The following UBXN2A variants were observed in gnomAD, a reference collection of about 807,000 sequenced individuals.
UBXN2A encodes the protein UBX domain protein 2A, also known as UBX domain-containing protein 2A.
Under a neutral mutation model 28.4 loss-of-function variants are expected in UBXN2A, and 28 were observed. That is an observed-to-expected ratio of 0.99 (90% CI 0.73 to 1.35). The LOEUF (loss-of-function observed/expected upper bound fraction) is 1.35. Among genes scored for constraint, UBXN2A ranks in the 40% most tolerant of loss-of-function variants. The pLI, the probability that UBXN2A is intolerant of heterozygous loss-of-function variation, is 0.00. For missense variants in UBXN2A, 253 were observed against 297.9 expected (o/e 0.85, Z 1.11); for synonymous variants, 97 against 103.6 (o/e 0.94, Z 0.39).
At chr2:23,978,512 C>T (rs775595793) in intron 4 of UBXN2A, among the ~76,000 whole-genome samples, 23 of 151,788 alleles carry the variant, frequency 1.5e-4, no homozygotes, top group Non-Finnish European at 2.5e-4. Context: ...GGTGTGGTGG[C>T]GGGCACCTGT....
chr2:23,948,937 T>C (rs1243068247), intron 1 of UBXN2A, among the ~76,000 whole-genome samples: 1 of 149,852 alleles, frequency 6.7e-6, no homozygotes, highest in Non-Finnish European at 1.5e-5. Context: ...GTAAGACTTC[T>C]CTTGTAGCTT....
In UBXN2A at chr2:23,999,862, C is replaced by T; in HGVS notation, c.775C>T (p.His259Tyr). 1.9e-6 allele frequency: 3 copies of T among 1,609,974 alleles called. No individual in the cohort carries two copies. The highest frequency in any genetic ancestry group is 2.5e-6 in the Non-Finnish European group (3 of 1,178,390). Residue 259 changes from histidine to tyrosine, a missense_variant, in exon 7 of 7, where the codon CAC (histidine) becomes TAC (tyrosine). His to Tyr is a moderately conservative substitution (Grantham distance 83). Transcript: ENST00000309033. ...TGCATCTTTTAGAGAACTTTCAGAG[C>T]ACTGATTTTTGATAGACTAAGTGGA... is the stretch of plus-strand genomic sequence containing the variant. ...KTASFRELSEH is the reference protein window; with the variant it reads ...KTASFRELSEY
chr2:23,972,121 TA>T (rs904659926), intron 3 of UBXN2A, among the ~76,000 whole-genome samples: 3 of 151,490 alleles, frequency 2.0e-5, no homozygotes, highest in African/African-American at 4.9e-5. Context: ...TAAGGTAAGG[TA>T]AAAAAATAAC....
At chr2:23,980,570 C>A (rs541111609) in intron 4 of UBXN2A, among the ~76,000 whole-genome samples, 1 of 152,110 alleles carries the variant, frequency 6.6e-6, no homozygotes, top group Non-Finnish European at 1.5e-5. Flanking sequence ...ATTGTCCATT[C>A]GTACATCTTC....
rs147132248 is a variant in UBXN2A at position 23,996,003 on chromosome 2, A to G, written c.585-3669A>G. 4.0e-3 allele frequency among the ~76,000 whole-genome samples: 599 copies of G among 150,378 alleles called. 3 individuals carry two copies. Among genetic ancestry groups the G allele is most frequent in the African/African-American group, 0.014 (574 of 40,874 alleles). On this transcript the variant is annotated intron_variant, in intron 6 of 6. Coordinates refer to ENST00000309033, the MANE Select transcript of UBXN2A (RefSeq NM_181713.4). ...CTGCACCACCTCCCAGGTTCGAGCA[A>G]TTCTCCTGCCTCAGCCTTCCAAGTA... is the stretch of plus-strand genomic sequence containing the variant.
chr2:23,991,822 A>G (rs1214978021), intron 6 of UBXN2A, among the ~76,000 whole-genome samples: 1 of 140,192 alleles, frequency 7.1e-6, no homozygotes, highest in Non-Finnish European at 1.6e-5. Flanking sequence ...AGACAGTCTC[A>G]ACTCTGTTGC....
At chr2:23,957,783 G>A (rs760447979) in intron 1 of UBXN2A, among the ~76,000 whole-genome samples, 4 of 152,154 alleles carry the variant, frequency 2.6e-5, no homozygotes, top group Admixed American at 6.6e-5. Context: ...GTGGTGAGCC[G>A]AGATTGTGCC....
chr2:23,975,537 T>C (rs1268858928), intron 3 of UBXN2A, among the ~76,000 whole-genome samples: 1 of 152,250 alleles, frequency 6.6e-6, no homozygotes, highest in Non-Finnish European at 1.5e-5. Context: ...TCTGATTCGC[T>C]TTTTAAATTA....
Position 23,999,904 on chromosome 2 carries a change from G to C in UBXN2A, c.*37G>C. ...CTAAGTGGAAAATTTGCAGAGAAATGATGGTTGTAAGTGGACATGCAAACC... is the reference window on the plus strand; with the variant it reads ...CTAAGTGGAAAATTTGCAGAGAAATCATGGTTGTAAGTGGACATGCAAACC... On this transcript the variant is annotated 3_prime_UTR_variant, in exon 7 of 7. Transcript: ENST00000309033. The C allele has an allele frequency of 6.2e-7, 1 of 1,601,342 alleles. No homozygotes were observed. The highest frequency in any genetic ancestry group is 8.5e-7 in the Non-Finnish European group (1 of 1,173,510).
chr2:23,932,018 A>G (rs1012449287), intron 1 of UBXN2A, among the ~76,000 whole-genome samples: 3 of 150,806 alleles, frequency 2.0e-5, no homozygotes, highest in African/African-American at 7.3e-5. Context: ...CTCAAAAAAA[A>G]AAAAGAAAAA....
At chr2:23,958,551 T>C (rs989919755) in intron 2 of UBXN2A, among the ~76,000 whole-genome samples, 196 bp downstream of exon 2, 7 of 152,248 alleles carry the variant, frequency 4.6e-5, no homozygotes, top group Admixed American at 4.6e-4. Context: ...TGAATGTTTT[T>C]TATTAATTTT....
chr2:23,948,371 G>A (rs1706198617), intron 1 of UBXN2A, among the ~76,000 whole-genome samples: 1 of 150,524 alleles, frequency 6.6e-6, no homozygotes, highest in Non-Finnish European at 1.5e-5. Context: ...TCCTGCCTCA[G>A]CCTCCCAAGT....
chr2:23,929,519 C>T (rs542857688), intron 1 of UBXN2A, among the ~76,000 whole-genome samples: 2 of 151,556 alleles, frequency 1.3e-5, no homozygotes, highest in East Asian at 3.9e-4. Context: ...CGAGACCAGC[C>T]TGACCAACAT....
intron 2 of UBXN2A, among the ~76,000 whole-genome samples, chr2:23,961,442 A>G (rs2150842007): frequency 6.7e-6 from 1 of 150,198 alleles, no homozygotes; most frequent in Admixed American, 6.7e-5. Flanking sequence ...ACACAAAAAT[A>G]TTGGTGATAG....
At chr2:23,985,347 C>G (rs1708083274) in intron 6 of UBXN2A, among the ~76,000 whole-genome samples, 1 of 151,996 alleles carries the variant, frequency 6.6e-6, no homozygotes, top group South Asian at 2.1e-4. Flanking sequence ...CTCCCAGCTT[C>G]AAGTGATTGT....
At chr2:23,993,904 G>A (rs1366345075) in intron 6 of UBXN2A, among the ~76,000 whole-genome samples, 1 of 151,880 alleles carries the variant, frequency 6.6e-6, no homozygotes, top group Non-Finnish European at 1.5e-5. Context: ...TGGCCAGGCT[G>A]GTCTCCAACT....
intron 2 of UBXN2A, among the ~76,000 whole-genome samples, chr2:23,958,974 G>A (rs1443223556): frequency 6.6e-6 from 1 of 151,978 alleles, no homozygotes; most frequent in Non-Finnish European, 1.5e-5. Flanking sequence ...CTGAGTAGCT[G>A]GGACTACAGG....
intron 1 of UBXN2A, among the ~76,000 whole-genome samples, chr2:23,931,155 A>C (rs1463585715): frequency 6.6e-6 from 1 of 152,010 alleles, no homozygotes; most frequent in Non-Finnish European, 1.5e-5. Flanking sequence ...CCATCTCAAA[A>C]AAAAAAGGGG....
At chr2:23,934,816 G>C (rs1356793329) in intron 1 of UBXN2A, among the ~76,000 whole-genome samples, 2 of 152,196 alleles carry the variant, frequency 1.3e-5, no homozygotes, top group Non-Finnish European at 2.9e-5. Flanking sequence ...GCTCATGCCT[G>C]TAATCCCAGC....
Sources: allele counts gnomAD v4.1 joint callset (sites outside exome capture counted in the v4.1 genomes callset), GRCh38; gene constraint gnomAD v4.1.1; transcripts MANE v1.5; gene names NCBI Gene and HGNC (gene_info 2026-07-23, HGNC 2026-07-21).